Variants in MEOX1 observed in about 807,000 individuals in gnomAD.
MEOX1 encodes the protein homeobox protein MOX-1.
Under a neutral mutation model 23.2 loss-of-function variants are expected in MEOX1, and 17 were observed. The observed-to-expected ratio is 0.73, with a 90% CI of 0.50 to 1.10. The LOEUF (loss-of-function observed/expected upper bound fraction) is 1.10. Ranked by LOEUF, MEOX1 falls within the 50% of genes least tolerant of loss-of-function variation. The pLI is 0.00. For synonymous variants in MEOX1, 134 were observed against 135.1 expected, an observed-to-expected ratio of 0.99 and a Z score of 0.06; for missense variants, 333 against 332.2, an observed-to-expected ratio of 1.00 and a Z score of -0.02.
At chr17:43,646,350 C>T (rs951650365) in intron 1 of MEOX1, among the ~76,000 whole-genome samples, 2 of 152,332 alleles carry the variant, frequency 1.3e-5, no homozygotes, top group South Asian at 2.1e-4. Context: ...GAGCGGATGA[C>T]GGGCTTCCCG....
intron 1 of MEOX1, among the ~76,000 whole-genome samples, chr17:43,656,303 G>A (rs1043181434): frequency 1.3e-5 from 2 of 152,034 alleles, no homozygotes; most frequent in Non-Finnish European, 2.9e-5. Flanking sequence ...TCTAGGCAAG[G>A]AGAAACCACC....
intron 1 of MEOX1, among the ~76,000 whole-genome samples, chr17:43,656,412 C>G (rs747621967): frequency 1.3e-5 from 2 of 150,296 alleles, no homozygotes; most frequent in African/African-American, 4.9e-5. Flanking sequence ...GGACCTGGGG[C>G]GGGGAGGTGG....
intron 1 of MEOX1, among the ~76,000 whole-genome samples, chr17:43,658,506 CA>C (rs56142635): frequency 0.043 from 4,621 of 108,512 alleles, 58 homozygotes; most frequent in African/African-American, 0.064. Flanking sequence ...GACTCCATCT[CA>C]AAAAAAAAAA....
Position 43,661,132 on chromosome 17 carries a change from C to A in MEOX1, c.403G>T (p.Gly135Trp). The change falls in exon 1 of 3, where the codon GGG becomes TGG. Residue 135 changes from glycine to tryptophan, a missense_variant. Transcript: ENST00000318579. ...TCATTGGCAGTGCTCCCAAGCACCC[C>A]GTAGTCATCGCCTGGGCCTCCTGTG... ...DTTGGPGDDY[G>W]VLGSTANETE... 1 of 1,539,708 alleles carries A rather than the reference C, an allele frequency of 6.5e-7. No individual in the cohort carries two copies. Among genetic ancestry groups the A allele is most frequent in the South Asian group, 1.3e-5 (1 of 77,892 alleles).
chr17:43,657,079 TTTTC>T (rs143224431), intron 1 of MEOX1, among the ~76,000 whole-genome samples: 18,674 of 136,128 alleles, frequency 0.14, 1,581 homozygotes, highest in East Asian at 0.23. Flanking sequence ...TCTTTCTTTC[TTTTC>T]TTTCTTTCTT....
intron 1 of MEOX1, among the ~76,000 whole-genome samples, chr17:43,648,522 T>C (rs1324195533): frequency 1.3e-5 from 2 of 151,704 alleles, no homozygotes; most frequent in Non-Finnish European, 2.9e-5. Flanking sequence ...CCCAAGATGG[T>C]CTGTTCCCAG....
At chr17:43,661,039 A>G in intron 1 of MEOX1, 27 bp downstream of exon 1, 1 of 1,418,180 alleles carries the variant, frequency 7.1e-7, no homozygotes, top group East Asian at 2.4e-5. Flanking sequence ...CAGTAAAGGA[A>G]TGATCAGCTG....
chr17:43,642,486 C>T (rs990249267), intron 2 of MEOX1, among the ~76,000 whole-genome samples: 13 of 152,190 alleles, frequency 8.5e-5, no homozygotes, highest in Admixed American at 6.5e-5. Flanking sequence ...TCCCATTTTA[C>T]AGATGGAGAC....
chr17:43,650,307 G>A (rs543866216), intron 1 of MEOX1, among the ~76,000 whole-genome samples: 5 of 152,266 alleles, frequency 3.3e-5, no homozygotes, highest in East Asian at 1.9e-4. Context: ...AAGGACACAC[G>A]GCAAGTTAGG....
At chr17:43,655,185 T>G (rs1972991675) in intron 1 of MEOX1, among the ~76,000 whole-genome samples, 1 of 150,352 alleles carries the variant, frequency 6.7e-6, no homozygotes, top group African/African-American at 2.4e-5. Flanking sequence ...GATAAAGAAA[T>G]TTGGTGGCCG....
chr17:43,660,115 G>A (rs1973109987), intron 1 of MEOX1, among the ~76,000 whole-genome samples: 1 of 152,222 alleles, frequency 6.6e-6, no homozygotes, highest in African/African-American at 2.4e-5. Flanking sequence ...CGGGCAGGAG[G>A]CTTGGTCACT....
At chr17:43,655,467 C>T (rs1011045825) in intron 1 of MEOX1, among the ~76,000 whole-genome samples, 1 of 146,710 alleles carries the variant, frequency 6.8e-6, no homozygotes, top group Non-Finnish European at 1.5e-5. Flanking sequence ...GAGACTCCGT[C>T]TCAAAAAAAA....
chr17:43,658,087 G>C (rs992847461), intron 1 of MEOX1, among the ~76,000 whole-genome samples: 4 of 152,238 alleles, frequency 2.6e-5, no homozygotes, highest in Non-Finnish European at 5.9e-5. Context: ...ACTGCAGCCT[G>C]TCTGTCTGGC....
chr17:43,661,847 T>G lies in MEOX1; in HGVS notation c.-313A>C. ...TTTGTCGCCAATGACACTAAACATT[T>G]TCACTGTCCCAACCCAGACGCACCA... is the stretch of plus-strand genomic sequence containing the variant. On this transcript the variant is annotated 5_prime_UTR_variant, in exon 1 of 3. Transcript: ENST00000318579. 1 of 274,116 alleles carries G rather than the reference T, an allele frequency of 3.6e-6. No homozygotes were observed. The highest frequency in any genetic ancestry group is 6.7e-6 in the Non-Finnish European group (1 of 148,214). The allele number at this position is 274,116 out of a possible 1,614,324, so 17.0% of individuals were successfully genotyped here. A position where few individuals can be genotyped will look rare whatever the true frequency, so the allele number is the denominator to read the frequency against.
intron 1 of MEOX1, among the ~76,000 whole-genome samples, chr17:43,649,860 C>T (rs1462194493): frequency 6.6e-6 from 1 of 152,202 alleles, no homozygotes; most frequent in African/African-American, 2.4e-5. Context: ...GTCAAATGCC[C>T]AGAGAAATGC....
intron 1 of MEOX1, among the ~76,000 whole-genome samples, chr17:43,655,338 G>T (rs1972993810): frequency 6.6e-6 from 1 of 151,950 alleles, no homozygotes; most frequent in Non-Finnish European, 1.5e-5. Flanking sequence ...GGGCGTGGTG[G>T]CGTGTGCCTG....
intron 1 of MEOX1, among the ~76,000 whole-genome samples, chr17:43,651,628 G>C (rs934942134): frequency 3.9e-5 from 6 of 152,226 alleles, no homozygotes; most frequent in Non-Finnish European, 2.9e-5. Context: ...AGAAGCCCAA[G>C]TTATGGGCAG....
intron 1 of MEOX1, among the ~76,000 whole-genome samples, chr17:43,656,795 C>T (rs1169842123): frequency 6.6e-6 from 1 of 152,130 alleles, no homozygotes; most frequent in African/African-American, 2.4e-5. Context: ...AAGACAACCA[C>T]AGTAGCAAGG....
rs143115124 is a variant in MEOX1, at chr17:43,641,965, G to A, written c.710C>T (p.Pro237Leu). Residue 237 changes from proline to leucine, a missense_variant, in exon 3 of 3, where the codon CCC becomes CTC. Physicochemically the swap from Pro to Leu is moderately conservative, Grantham distance 98. Transcript: ENST00000318579. ...CCCATCCTCAGGGTCCTGCCCATTG[G>A]GGGAGATGGGCTGACCTCCCTTCAC... ...KRVKGGQPIS[P>L]NGQDPEDGDS... is the part of the protein sequence containing the mutation. 1.9e-5 allele frequency: 30 copies of A among 1,613,634 alleles called. No individual in the cohort carries two copies. In the East Asian group the frequency reaches 3.1e-4, roughly 17 times the overall value.
Sources: gnomAD v4.1 joint callset for allele counts (sites outside exome capture counted in the v4.1 genomes callset) on GRCh38, gnomAD v4.1.1 for gene constraint, MANE v1.5 for transcripts, NCBI Gene and HGNC (gene_info 2026-07-23, HGNC 2026-07-21) for gene names.